The following ZFHX3 variants were observed in gnomAD, a reference collection of about 807,000 sequenced individuals.
ZFHX3 encodes the protein zinc finger homeobox 3, also known as zinc finger homeobox protein 3.
In ZFHX3, 42 loss-of-function variants were observed where a neutral mutation model predicts 279.1. The observed-to-expected ratio is 0.15, with a 90% confidence interval of 0.12 to 0.19. The LOEUF (loss-of-function observed/expected upper bound fraction) is 0.19. Among genes scored for constraint, ZFHX3 ranks in the 10% least tolerant of loss-of-function variants. The pLI, the probability that ZFHX3 is intolerant of heterozygous loss-of-function variation, is 1.00. For synonymous variants in ZFHX3, 2,293 were observed against 1,957.8 expected, an observed-to-expected ratio of 1.17 and a Z score of -4.52; for missense variants, 4,981 against 4,754.0, an observed-to-expected ratio of 1.05 and a Z score of -1.40.
chr16:73,466,651 T>C (rs528299298), intron 2 of ZFHX3, among the ~76,000 whole-genome samples: 65 of 152,302 alleles, frequency 4.3e-4, no homozygotes, highest in African/African-American at 1.3e-3. Flanking sequence ...TGATGGAGCA[T>C]GCATGTGTGC....
At chr16:73,059,353 GACACACACACGAGCGCGCGCACACAC>G (rs1304639165) in exon 1 of ZFHX3, 1 of 117,812 alleles carries the variant, frequency 8.5e-6, no homozygotes, top group Non-Finnish European at 1.7e-5. Flanking sequence ...ACACACACAC[GACACACACACGAGCGCGCGCACACAC>G]ACACACACAC....
Position 73,325,622 on chromosome 16 carries a change from G to T in ZFHX3, c.-1290-7286C>A, listed in dbSNP as rs182462785. ...GGAGAATGGGTATTGGTGAATGATA[G>T]TCATGTCTACAACATTCAAAGATCA... is the stretch of plus-strand genomic sequence containing the variant. On this transcript the variant is annotated intron_variant, in intron 3 of 17. Transcript: ENST00000641206. Among the ~76,000 whole-genome samples the T allele has an allele frequency of 2.6e-5, 4 of 152,260 alleles. No homozygotes were observed. In the East Asian group the frequency reaches 7.7e-4, roughly 29 times the overall value.
intron 1 of ZFHX3, among the ~76,000 whole-genome samples, chr16:73,689,837 T>C (rs543065910): frequency 6.6e-6 from 1 of 152,024 alleles, no homozygotes; most frequent in African/African-American, 2.4e-5. Context: ...TTGTTGTTGT[T>C]TTTTTGAGAT....
intron 2 of ZFHX3, among the ~76,000 whole-genome samples, chr16:73,661,290 C>T (rs1451135609): frequency 3.9e-5 from 6 of 151,980 alleles, no homozygotes; most frequent in Non-Finnish European, 7.4e-5. Flanking sequence ...TTGTAAAAAA[C>T]AAACAAAAAA....
At position 73,707,507 on chromosome 16, in the gene ZFHX3, G is replaced by A. The variant is rs970190861; in HGVS notation, c.-1607-27267C>T. Among the ~76,000 whole-genome samples the A allele has an allele frequency of 6.9e-5, 10 of 145,708 alleles. No homozygotes were observed. The East Asian group carries it at 8.2e-4, about 12-fold the overall frequency. On this transcript the variant is annotated intron_variant, in intron 1 of 17. Transcript: ENST00000641206. ...TCTCAAGGACAAAAAACCAAGCACC[G>A]CATGTTCTCACTCATAGGTGGGAAC...
chr16:72,922,145 A>T (rs1023719840), intron 3 of ZFHX3, among the ~76,000 whole-genome samples: 7 of 152,208 alleles, frequency 4.6e-5, no homozygotes, highest in African/African-American at 1.7e-4. Flanking sequence ...CACCAGAACC[A>T]GAAATCCCAC....
At chr16:73,039,117 TAAAAAAA>T in intron 1 of ZFHX3, among the ~76,000 whole-genome samples, 1 of 133,800 alleles carries the variant, frequency 7.5e-6, no homozygotes, top group East Asian at 2.2e-4. Context: ...CCTAGCTAAT[TAAAAAAA>T]AAAAAAAAAA....
At chr16:73,412,269 G>A (rs951561469) in intron 3 of ZFHX3, among the ~76,000 whole-genome samples, 6 of 149,816 alleles carry the variant, frequency 4.0e-5, no homozygotes, top group African/African-American at 1.5e-4. Context: ...CAAGGCTACA[G>A]TGAGCCATAA....
In ZFHX3 at chr16:73,781,709, T is replaced by C. The variant is rs1597112838; in HGVS notation, c.-1607-101469A>G. 6.6e-5 allele frequency among the ~76,000 whole-genome samples: 10 copies of C among 152,150 alleles called. No individual in the cohort carries two copies. In the South Asian group the frequency reaches 1.7e-3, roughly 25 times the overall value. On this transcript the variant is annotated intron_variant, in intron 1 of 17. Coordinates refer to the ZFHX3 transcript ENST00000641206. Reference sequence around the variant, plus strand: ...GATCCTCTATTTAATAAACAAGAGGTCGGGCGTGGTGGCGCATGCCTGTAA... The same window carrying C: ...GATCCTCTATTTAATAAACAAGAGGCCGGGCGTGGTGGCGCATGCCTGTAA...
At chr16:73,606,095 C>T (rs928729168) in intron 2 of ZFHX3, among the ~76,000 whole-genome samples, 6 of 135,204 alleles carry the variant, frequency 4.4e-5, no homozygotes, top group Admixed American at 8.1e-5. Context: ...AGGTGGAGAA[C>T]GGCGTGAACC....
chr16:73,097,886 C>T (rs1487845778), intron 7 of ZFHX3, among the ~76,000 whole-genome samples: 2 of 152,160 alleles, frequency 1.3e-5, no homozygotes, highest in Non-Finnish European at 2.9e-5. Context: ...CAAGGTTCAT[C>T]CATGTCATAA....
chr16:73,482,575 C>T (rs1398845568), intron 2 of ZFHX3, among the ~76,000 whole-genome samples: 3 of 152,202 alleles, frequency 2.0e-5, no homozygotes, highest in East Asian at 3.9e-4. Flanking sequence ...TTTAGCCCAA[C>T]ACTAATTAGT....
chr16:73,437,894 C>G (rs2018023079), intron 3 of ZFHX3, among the ~76,000 whole-genome samples: 1 of 152,140 alleles, frequency 6.6e-6, no homozygotes, highest in African/African-American at 2.4e-5. Context: ...ATGGTCCTTG[C>G]AAACTCTTCT....
chr16:73,622,712 C>T (rs1001442739), intron 2 of ZFHX3, among the ~76,000 whole-genome samples: 1 of 152,210 alleles, frequency 6.6e-6, no homozygotes, highest in Non-Finnish European at 1.5e-5. Flanking sequence ...CAGTGACACT[C>T]TGGTATCGCC....
chr16:73,428,714 C>T (rs985249150), intron 3 of ZFHX3, among the ~76,000 whole-genome samples: 2 of 152,128 alleles, frequency 1.3e-5, no homozygotes, highest in African/African-American at 4.8e-5. Context: ...TGGATCACTA[C>T]AAGTCATTAT....
At chr16:73,622,351 G>A (rs928224498) in intron 2 of ZFHX3, among the ~76,000 whole-genome samples, 1 of 152,172 alleles carries the variant, frequency 6.6e-6, no homozygotes, top group African/African-American at 2.4e-5. Context: ...GAGGTCAGGA[G>A]ATCGAGACCA....
chr16:72,843,823 G>A (rs535848277), intron 4 of ZFHX3, among the ~76,000 whole-genome samples: 115 of 152,204 alleles, frequency 7.6e-4, no homozygotes, highest in Admixed American at 1.2e-3. Flanking sequence ...AAATGGCATG[G>A]CAAGGATAAA....
intron 4 of ZFHX3, among the ~76,000 whole-genome samples, chr16:73,315,796 C>T (rs2015432275): frequency 6.6e-6 from 1 of 152,146 alleles, no homozygotes; most frequent in African/African-American, 2.4e-5. Context: ...AGAATATTTC[C>T]CTATAAGGGT....
At chr16:73,377,447 G>A (rs12920575) in intron 3 of ZFHX3, among the ~76,000 whole-genome samples, 15,135 of 152,180 alleles carry the variant, frequency 0.099, 906 homozygotes, top group Middle Eastern at 0.18. Context: ...CAATGGAACA[G>A]AACTAAGAGC....
Sources: allele counts gnomAD v4.1 joint callset (sites outside exome capture counted in the v4.1 genomes callset), GRCh38; gene constraint gnomAD v4.1.1; transcripts MANE v1.5; gene names NCBI Gene and HGNC (gene_info 2026-07-23, HGNC 2026-07-21).